AGBL1: variants seen among roughly 807,000 people sequenced by gnomAD.
AGBL1 encodes cytosolic carboxypeptidase 4.
Under a neutral mutation model 118.9 loss-of-function variants are expected in AGBL1, and 130 were observed. The ratio of observed to expected loss-of-function variants is 1.09; its 90% CI spans 0.95 to 1.26. The LOEUF (loss-of-function observed/expected upper bound fraction) is 1.26. Ranked by LOEUF, AGBL1 falls within the 50% of genes most tolerant of loss-of-function variation. The pLI is 0.00. For synonymous variants in AGBL1, 555 were observed against 478.9 expected (o/e 1.16, Z -2.08); for missense variants, 1,584 against 1,298.1 (o/e 1.22, Z -3.38).
chr15:86,842,446 C>T (rs1246319606), intron 22 of AGBL1, among the ~76,000 whole-genome samples: 1 of 152,186 alleles, frequency 6.6e-6, no homozygotes, highest in Admixed American at 6.5e-5. Context: ...CTGGCCCAGC[C>T]ATGGGGCTGG....
At chr15:86,469,847 T>A (rs188122065) in intron 18 of AGBL1, among the ~76,000 whole-genome samples, 256 of 152,296 alleles carry the variant, frequency 1.7e-3, no homozygotes, top group Middle Eastern at 0.014. Context: ...AACTTTTTTT[T>A]ATCTATCTGT....
intron 5 of AGBL1, among the ~76,000 whole-genome samples, chr15:86,164,549 TAAG>T (rs1469704432): frequency 6.6e-6 from 1 of 152,146 alleles, no homozygotes; most frequent in Non-Finnish European, 1.5e-5. Context: ...TTGATAATAA[TAAG>T]GACCATTTCC....
intron 21 of AGBL1, among the ~76,000 whole-genome samples, chr15:86,625,521 C>A (rs940351962): frequency 6.6e-6 from 1 of 151,514 alleles, no homozygotes; most frequent in Admixed American, 6.6e-5. Flanking sequence ...TGTTCATTTA[C>A]AAACTACACA....
At chr15:86,148,788 T>A (rs1316293884) in intron 3 of AGBL1, among the ~76,000 whole-genome samples, 3 of 152,070 alleles carry the variant, frequency 2.0e-5, no homozygotes, top group Admixed American at 6.5e-5. Flanking sequence ...GCCACAAAGA[T>A]ACTCCTCGAG....
intron 17 of AGBL1, among the ~76,000 whole-genome samples, chr15:86,384,638 C>T (rs1000949572): frequency 3.9e-5 from 6 of 152,114 alleles, no homozygotes; most frequent in Non-Finnish European, 8.8e-5. Context: ...TGGATTGGCT[C>T]ATCTTTATTC....
intron 21 of AGBL1, among the ~76,000 whole-genome samples, chr15:86,670,628 A>AC (rs59416251): frequency 2.1e-4 from 10 of 48,456 alleles, no homozygotes; most frequent in South Asian, 1.2e-3. Context: ...CACACACACA[A>AC]ACACGCTGTG....
intron 21 of AGBL1, among the ~76,000 whole-genome samples, chr15:86,568,906 A>G (rs908465689): frequency 6.6e-6 from 1 of 152,172 alleles, no homozygotes; most frequent in Admixed American, 6.5e-5. Context: ...AATGACAATG[A>G]GATGCTGTAT....
downstream of AGBL1, among the ~76,000 whole-genome samples, chr15:86,916,446 T>A (rs2080424812): frequency 1.3e-5 from 2 of 152,174 alleles, no homozygotes; most frequent in Non-Finnish European, 2.9e-5. Context: ...TGTGTGTGAA[T>A]GTAAGTACAT....
At chr15:86,392,614 A>G (rs2141982831) in intron 17 of AGBL1, among the ~76,000 whole-genome samples, 1 of 152,336 alleles carries the variant, frequency 6.6e-6, no homozygotes, top group African/African-American at 2.4e-5. Context: ...AGTTGGGTAC[A>G]CATGTTTATC....
rs139831044 is a variant in AGBL1, at chr15:86,319,743, G to GTTTTTTTTTTTTTTT, written c.2374+24357_2374+24371dup. Among the ~76,000 whole-genome samples, 18 of 47,254 alleles carry GTTTTTTTTTTTTTTT rather than the reference G, an allele frequency of 3.8e-4. 3 individuals carry two copies. The highest frequency in any genetic ancestry group is 4.7e-4 in the Non-Finnish European group (13 of 27,908). 31.0% of individuals were successfully genotyped at this position (47,254 alleles called of 152,430 possible). ...TGTACTTTGTTTTGCCTCTTTGGTA[G>GTTTTTTTTTTTTTTT]TTTTTTTTTTTTTTTTTTTTTTTTT... On this transcript the variant is annotated intron_variant, in intron 17 of 22. Coordinates refer to ENST00000614907, the MANE Select transcript of AGBL1 (RefSeq NM_001386094.1).
chr15:86,194,768 A>G (rs891724889), intron 5 of AGBL1, among the ~76,000 whole-genome samples: 1 of 152,236 alleles, frequency 6.6e-6, no homozygotes, highest in Non-Finnish European at 1.5e-5. Flanking sequence ...CAGGAGTGCC[A>G]GAGTCTGAAA....
chr15:86,879,406 C>G (rs1037211605), intron 22 of AGBL1, among the ~76,000 whole-genome samples: 39 of 152,126 alleles, frequency 2.6e-4, no homozygotes, highest in African/African-American at 9.4e-4. Context: ...GAGTGTGCAT[C>G]TTAGAGGCCT....
chr15:86,660,976 G>A (rs376592331), intron 21 of AGBL1, among the ~76,000 whole-genome samples: 8 of 152,252 alleles, frequency 5.3e-5, no homozygotes, highest in African/African-American at 1.9e-4. Flanking sequence ...AGCCAAGCAG[G>A]TAATGTAAAT....
chr15:86,223,710 A>G (rs1013278797), intron 5 of AGBL1, among the ~76,000 whole-genome samples: 2 of 152,200 alleles, frequency 1.3e-5, no homozygotes, highest in African/African-American at 2.4e-5. Flanking sequence ...GGGTTTGCAC[A>G]GGGGCCTGTG....
At chr15:86,898,758 A>G (rs1459329020) in intron 22 of AGBL1, among the ~76,000 whole-genome samples, 1 of 152,226 alleles carries the variant, frequency 6.6e-6, no homozygotes, top group African/African-American at 2.4e-5. Context: ...AAAAGAAGAC[A>G]AATAGGTGGC....
intron 23 of AGBL1, among the ~76,000 whole-genome samples, chr15:86,973,669 G>C (rs934421954): frequency 2.0e-5 from 3 of 151,666 alleles, no homozygotes; most frequent in African/African-American, 7.3e-5. Context: ...CTATTCTCCA[G>C]GCAGAAAGAG....
At chr15:86,700,999 G>T (rs2086348973) in intron 22 of AGBL1, among the ~76,000 whole-genome samples, 2 of 152,138 alleles carry the variant, frequency 1.3e-5, no homozygotes, top group Non-Finnish European at 2.9e-5. Flanking sequence ...GGAATAAAGT[G>T]CTGAGGGTTG....
At chr15:86,343,901 C>T (rs1163770238) in intron 17 of AGBL1, among the ~76,000 whole-genome samples, 1 of 152,176 alleles carries the variant, frequency 6.6e-6, no homozygotes, top group East Asian at 1.9e-4. Flanking sequence ...CTCTGAGCTG[C>T]CTTTCCCCTT....
chr15:86,692,830 C>CCT (rs2086195647), intron 22 of AGBL1, among the ~76,000 whole-genome samples: 1 of 152,108 alleles, frequency 6.6e-6, no homozygotes, highest in Admixed American at 6.6e-5. Flanking sequence ...CATAGCTGAG[C>CCT]TTCCACTTAT....
Sources: gnomAD v4.1 joint callset for allele counts (sites outside exome capture counted in the v4.1 genomes callset) on GRCh38, gnomAD v4.1.1 for gene constraint, MANE v1.5 for transcripts, NCBI Gene and HGNC (gene_info 2026-07-23, HGNC 2026-07-21) for gene names.